The following TBC1D22A variants were observed in gnomAD, a reference collection of about 807,000 sequenced individuals.
TBC1D22A encodes the protein TBC1 domain family member 22A, also known as putative GTPase activator.
TBC1D22A carries 38 observed loss-of-function variants against 60.2 expected under a neutral mutation model. The ratio of observed to expected loss-of-function variants is 0.63; its 90% CI spans 0.49 to 0.83. The LOEUF (loss-of-function observed/expected upper bound fraction) is 0.83, where lower values mean the gene tolerates loss of function less well. TBC1D22A is among the 40% of genes least tolerant of loss of function. TBC1D22A has a pLI of 0.00. For synonymous variants in TBC1D22A, 302 were observed against 281.7 expected (o/e 1.07, Z -0.72); for missense variants, 628 against 701.0 (o/e 0.90, Z 1.18).
In TBC1D22A at chr22:46,943,170, G is replaced by T. The variant is rs181506948; in HGVS notation, c.1015+30982G>T. 6.3e-3 allele frequency among the ~76,000 whole-genome samples: 958 copies of T among 152,162 alleles called. 11 individuals are homozygous for T. The highest frequency in any genetic ancestry group is 0.02 in the African/African-American group (841 of 41,512). On this transcript the variant is annotated intron_variant, in intron 8 of 12. Coordinates refer to ENST00000337137, the MANE Select transcript of TBC1D22A (RefSeq NM_014346.5). Reference sequence around the variant, plus strand: ...TGAAGAGAGAAATGTCCTCCGAAGGGAGCTGCCCGCCTCACTTTTGGCTTA... The same window carrying T: ...TGAAGAGAGAAATGTCCTCCGAAGGTAGCTGCCCGCCTCACTTTTGGCTTA...
chr22:47,151,807 T>A (rs2067514519), intron 12 of TBC1D22A, among the ~76,000 whole-genome samples: 1 of 152,138 alleles, frequency 6.6e-6, no homozygotes. Flanking sequence ...CATGCCGGCC[T>A]GTCGGGAAAG....
At chr22:46,787,649 A>G (rs1363112444) in intron 1 of TBC1D22A, among the ~76,000 whole-genome samples, 3 of 152,204 alleles carry the variant, frequency 2.0e-5, no homozygotes, top group East Asian at 3.8e-4. Context: ...AAACTTTGCA[A>G]ATGTGCAGAA....
chr22:46,840,594 A>G (rs770552332), intron 4 of TBC1D22A, among the ~76,000 whole-genome samples: 13 of 152,198 alleles, frequency 8.5e-5, no homozygotes, highest in South Asian at 2.1e-4. Context: ...TTAGCTGGGC[A>G]TGGTAGTGTG....
chr22:47,101,517 G>A (rs1231109910), intron 11 of TBC1D22A, among the ~76,000 whole-genome samples: 4 of 152,286 alleles, frequency 2.6e-5, no homozygotes, highest in Non-Finnish European at 4.4e-5. Flanking sequence ...AGCCATGCCT[G>A]TGGGGCGAGG....
chr22:46,813,005 C>T (rs1053065643), intron 4 of TBC1D22A, among the ~76,000 whole-genome samples: 4 of 152,284 alleles, frequency 2.6e-5, no homozygotes, highest in East Asian at 3.9e-4. Flanking sequence ...TTTATGCGGC[C>T]GCTGCTGCCC....
intron 8 of TBC1D22A, among the ~76,000 whole-genome samples, chr22:46,969,693 C>T (rs2073969887): frequency 1.3e-5 from 2 of 152,130 alleles, no homozygotes; most frequent in African/African-American, 2.4e-5. Flanking sequence ...AGCCTGTGCA[C>T]TCGCCATCCC....
At position 47,028,337 on chromosome 22, in the gene TBC1D22A, T is replaced by A. The variant is rs1038331887; in HGVS notation, c.1202-8734T>A. Among the ~76,000 whole-genome samples the A allele has an allele frequency of 3.3e-5, 5 of 152,096 alleles. No individual in the cohort carries two copies. Among genetic ancestry groups the A allele is most frequent in the Non-Finnish European group, 5.9e-5 (4 of 68,018 alleles). On this transcript the variant is annotated intron_variant, in intron 10 of 12. Coordinates refer to ENST00000337137, the MANE Select transcript of TBC1D22A (RefSeq NM_014346.5). This position sits in a 1 kb window ranked among gnomAD's most constrained non-coding sequence, Gnocchi z 4.4. ...GAGTGGTCGCGTTCCTGTCCCTCGG[T>A]CCCTGTCCCCCACGGCCCAGGTTCT... is the stretch of plus-strand genomic sequence containing the variant.
At chr22:47,068,415 C>T (rs2063852093) in intron 11 of TBC1D22A, among the ~76,000 whole-genome samples, 1 of 152,208 alleles carries the variant, frequency 6.6e-6, no homozygotes, top group Non-Finnish European at 1.5e-5. Context: ...GTGTCAGTCC[C>T]ACAGGATGTG....
intron 8 of TBC1D22A, among the ~76,000 whole-genome samples, chr22:46,939,886 G>A: frequency 6.6e-6 from 1 of 152,206 alleles, no homozygotes; most frequent in East Asian, 1.9e-4. Flanking sequence ...TGGAAAGCTG[G>A]CATCACTGCT....
chr22:46,908,592 G>A (rs1456200407), intron 7 of TBC1D22A, among the ~76,000 whole-genome samples: 1 of 152,160 alleles, frequency 6.6e-6, no homozygotes. Context: ...TAAGAAATTG[G>A]AATTCTCCAT....
Position 46,998,165 on chromosome 22 carries a change from A to G in TBC1D22A, c.1201+456A>G, listed in dbSNP as rs146190234. On this transcript the variant is annotated intron_variant, in intron 10 of 12. Transcript: ENST00000337137. ...AAAAATTATAGTATGTGCTCAGGCA[A>G]TTTTAGATTGTGCTTTCATGTTTAA... Among the ~76,000 whole-genome samples, 436 of 152,212 alleles carry G rather than the reference A, an allele frequency of 2.9e-3. 1 individual carries two copies. The highest frequency in any genetic ancestry group is 8.7e-3 in the African/African-American group (362 of 41,506).
rs1339183968 is a variant in TBC1D22A at position 47,068,785 on chromosome 22, G to A, written c.1329+31587G>A. ...AAAGGAGACATGCAAATGAGGCCAGGGTGCAGATTGTGGTAGAACAATGCT... is the reference window on the plus strand; with the variant it reads ...AAAGGAGACATGCAAATGAGGCCAGAGTGCAGATTGTGGTAGAACAATGCT... On this transcript the variant is annotated intron_variant, in intron 11 of 12. Coordinates refer to ENST00000337137, the MANE Select transcript of TBC1D22A (RefSeq NM_014346.5). 2.0e-5 allele frequency among the ~76,000 whole-genome samples: 3 copies of A among 152,176 alleles called. No individual in the cohort carries two copies. In the South Asian group the frequency reaches 6.2e-4, roughly 32 times the overall value.
chr22:46,888,145 C>T (rs114993153), intron 5 of TBC1D22A, among the ~76,000 whole-genome samples: 2,130 of 152,344 alleles, frequency 0.014, 65 homozygotes, highest in African/African-American at 0.049. Flanking sequence ...AAGAAAAGCC[C>T]TGGCTTGGCT....
intron 10 of TBC1D22A, among the ~76,000 whole-genome samples, chr22:47,026,914 C>G (rs1197553522): frequency 2.0e-5 from 3 of 152,136 alleles, no homozygotes; most frequent in Non-Finnish European, 4.4e-5. Context: ...AATACAAACT[C>G]CCTAGAATGG....
At chr22:46,903,170 G>T (rs2069132969) in intron 7 of TBC1D22A, among the ~76,000 whole-genome samples, 1 of 152,310 alleles carries the variant, frequency 6.6e-6, no homozygotes, top group East Asian at 1.9e-4. Flanking sequence ...CGCCCTGCAG[G>T]GGGTCACAGA....
chr22:47,123,344 C>T (rs551442756), intron 12 of TBC1D22A, among the ~76,000 whole-genome samples: 2 of 152,324 alleles, frequency 1.3e-5, no homozygotes, highest in African/African-American at 2.4e-5. Context: ...TGCACCCAGC[C>T]GAGCACCTGG....
chr22:47,159,331 A>ACACACACACCATGTACACACAC lies in TBC1D22A; in HGVS notation c.1426-14152_1426-14151insCACACACCACACACACCATGTA, dbSNP rs59822928. ...CATGTATACATACACACACATGTAT[A>ACACACACACCATGTACACACAC]CACACACACCATGTATTCACACAAA... On this transcript the variant is annotated intron_variant, in intron 12 of 12. Coordinates refer to ENST00000337137, the MANE Select transcript of TBC1D22A (RefSeq NM_014346.5). 6.7e-3 allele frequency among the ~76,000 whole-genome samples: 523 copies of ACACACACACCATGTACACACAC among 77,582 alleles called. 4 individuals are homozygous for ACACACACACCATGTACACACAC. The highest frequency in any genetic ancestry group is 0.015 in the African/African-American group (492 of 32,616). The allele number at this position is 77,582 out of a possible 152,430, so 50.9% of individuals were successfully genotyped here.
intron 11 of TBC1D22A, among the ~76,000 whole-genome samples, chr22:47,072,658 C>T (rs1428384479): frequency 2.0e-5 from 3 of 152,270 alleles, no homozygotes; most frequent in Non-Finnish European, 4.4e-5. Flanking sequence ...GGGGGCCTAG[C>T]ATGCTGGCAG....
intron 10 of TBC1D22A, among the ~76,000 whole-genome samples, chr22:47,027,895 C>G (rs1387568145): frequency 2.0e-5 from 3 of 152,222 alleles, no homozygotes; most frequent in African/African-American, 7.2e-5. Context: ...TTGTCCAGCC[C>G]ACTCCTCCCC....
Sources: allele counts gnomAD v4.1 joint callset (sites outside exome capture counted in the v4.1 genomes callset), GRCh38; gene constraint gnomAD v4.1.1; non-coding constraint Gnocchi (gnomAD v3.1); transcripts MANE v1.5; gene names NCBI Gene and HGNC (gene_info 2026-07-23, HGNC 2026-07-21).